TMPO: variants seen among roughly 807,000 people sequenced by gnomAD.
TMPO encodes the protein LEM domain containing 4.
TMPO carries 22 observed loss-of-function variants against 45.4 expected under a neutral mutation model. That is an observed-to-expected ratio of 0.48 (90% CI 0.35 to 0.69). The LOEUF is 0.69. Ranked by LOEUF, TMPO falls within the 30% of genes least tolerant of loss-of-function variation. The probability of loss-of-function intolerance (pLI) is 0.01; values close to 1 mark genes in which losing one functional copy is unlikely to be tolerated. For missense variants in TMPO, 512 were observed against 548.8 expected, an observed-to-expected ratio of 0.93 and a Z score of 0.67; for synonymous variants, 241 against 204.1, an observed-to-expected ratio of 1.18 and a Z score of -1.54.
chr12:98,540,833 C>A (rs187285800), intron 4 of TMPO, among the ~76,000 whole-genome samples: 1 of 152,162 alleles, frequency 6.6e-6, no homozygotes, highest in African/African-American at 2.4e-5. Context: ...CTTCCTGTTA[C>A]ATCGTTTTAG....
At chr12:98,521,918 C>CTG (rs1876399690) in intron 1 of TMPO, among the ~76,000 whole-genome samples, 4 of 152,002 alleles carry the variant, frequency 2.6e-5, no homozygotes, top group African/African-American at 9.7e-5. Flanking sequence ...TTAGTAGAGA[C>CTG]AGTTTCACCA....
intron 2 of TMPO, among the ~76,000 whole-genome samples, chr12:98,530,680 A>T (rs1373973099): frequency 6.6e-6 from 1 of 152,232 alleles, no homozygotes; most frequent in Non-Finnish European, 1.5e-5. Context: ...AATCTGATTT[A>T]TAGAACTTTT....
intron 3 of TMPO, among the ~76,000 whole-genome samples, chr12:98,536,290 T>C (rs1397562406): frequency 2.6e-5 from 4 of 152,184 alleles, no homozygotes; most frequent in African/African-American, 9.7e-5. Context: ...AAATTTTTGG[T>C]AGTAGAAGTT....
At chr12:98,533,434 T>C in intron 3 of TMPO, 2 of 1,614,174 alleles carry the variant, frequency 1.2e-6, no homozygotes, top group Non-Finnish European at 1.7e-6. Flanking sequence ...GGTAGGTAGT[T>C]TGCCTGGAAC....
At chr12:98,534,385 C>T (rs1785208387) in intron 3 of TMPO, 2 of 1,604,310 alleles carry the variant, frequency 1.2e-6, no homozygotes, top group Non-Finnish European at 1.7e-6. Context: ...CTTTCAGGTA[C>T]TTTATGCCAA....
chr12:98,532,570 TG>T (rs1328453041), intron 3 of TMPO, among the ~76,000 whole-genome samples: 1 of 152,226 alleles, frequency 6.6e-6, no homozygotes, highest in Non-Finnish European at 1.5e-5. Flanking sequence ...GTGAAATAAA[TG>T]TCCTTTAAAA....
At position 98,537,478 on chromosome 12, in the gene TMPO, C is replaced by T. The variant is rs1565813766; in HGVS notation, c.569C>T (p.Ser190Phe). The change falls in exon 4 of 9, where the codon TCT (serine) becomes TTT (phenylalanine). Residue 190 changes from serine (S) to phenylalanine (F), a missense_variant. Around this residue, in one of 3 missense-constraint regions of TMPO, gnomAD observed 299 missense variants for 296.7 expected, o/e 1.01. Transcript: ENST00000556029. ...GTTTCTCCAATGTTATTTCCAGACT[C>T]TAAAATAGAGCTCAAGCTTGAGAAG... ...SDRYSDNEED[S>F]KIELKLEKRE... The T allele has an allele frequency of 4.3e-6, 7 of 1,611,822 alleles. No individual in the cohort carries two copies. In the South Asian group the frequency reaches 7.7e-5, roughly 18 times the overall value.
In TMPO at chr12:98,527,901, A is replaced by C; in HGVS notation, c.295A>C (p.Thr99Pro). The C allele has an allele frequency of 3.7e-6, 6 of 1,613,908 alleles. No individual in the cohort carries two copies. Among genetic ancestry groups the C allele is most frequent in the Non-Finnish European group, 5.1e-6 (6 of 1,179,908 alleles). ...TTGTTTACAGAAAGCCACAAAAAAA[A>C]CTGATAAACCCAGACAAGAAGATAA... ...AAVGRKATKK[T>P]DKPRQEDKDD... is the part of the protein sequence containing the mutation. The change falls in exon 2 of 9, where the codon ACT becomes CCT. Residue 99 changes from threonine to proline, a missense_variant. Physicochemically the swap from Thr to Pro is conservative, Grantham distance 38. Coordinates refer to ENST00000556029, the MANE Select transcript of TMPO (RefSeq NM_001032283.3).
At position 98,547,792 on chromosome 12, in the gene TMPO, T is replaced by C; in HGVS notation, c.1299T>C (p.Ala433=). 6.2e-7 allele frequency: 1 copy of C among 1,614,002 alleles called. No homozygotes were observed. The part of the protein sequence containing the change: ...VAVFLFLVYQ[A]METNQVNPFS... ...TTTTTTTGTTTTTGGTCTATCAAGC[T>C]ATGGAAACCAACCAAGTAAATCCCT... is the stretch of plus-strand genomic sequence containing the variant. Residue 433 remains alanine (A), a synonymous_variant, in exon 9 of 9, where the codon GCT becomes GCC. Coordinates refer to ENST00000556029, the MANE Select transcript of TMPO (RefSeq NM_001032283.3).
intron 3 of TMPO, chr12:98,534,408 T>C: frequency 6.3e-7 from 1 of 1,599,314 alleles, no homozygotes; most frequent in East Asian, 2.2e-5. Flanking sequence ...TTTTCTTTTC[T>C]GTTAAGGTTG....
intron 1 of TMPO, among the ~76,000 whole-genome samples, chr12:98,525,254 G>A (rs2121155973): frequency 6.6e-6 from 1 of 152,172 alleles, no homozygotes; most frequent in Admixed American, 6.5e-5. Flanking sequence ...TCAGTGCAAT[G>A]TATGTGAATT....
Position 98,531,800 on chromosome 12 carries a change from G to C in TMPO, c.527G>C (p.Gly176Ala), listed in dbSNP as rs762703950. Reference protein sequence around the residue: ...SSSAENTRQNGSNDSDRYSDN... With the variant: ...SSSAENTRQNASNDSDRYSDN... ...TCAGCAGAAAATACAAGGCAGAATG[G>C]AAGTAATGATTCTGACAGATACAGT... Residue 176 changes from glycine (G) to alanine (A), a missense_variant, in exon 3 of 9, where the codon GGA (glycine) becomes GCA (alanine). Around this residue, in one of 3 missense-constraint regions of TMPO, gnomAD observed 299 missense variants for 296.7 expected, o/e 1.01. Transcript: ENST00000556029. 3.1e-6 allele frequency: 5 copies of C among 1,613,738 alleles called. No individual in the cohort carries two copies. The highest frequency in any genetic ancestry group is 4.2e-6 in the Non-Finnish European group (5 of 1,179,860).
rs759050578 is a variant in TMPO, at chr12:98,533,717, C to G, written c.565+1879C>G. 9.3e-6 allele frequency: 15 copies of G among 1,614,144 alleles called. No individual in the cohort carries two copies. In the South Asian group the frequency reaches 1.5e-4, roughly 17 times the overall value. On this transcript the variant is annotated intron_variant, in intron 3 of 8. Coordinates refer to ENST00000556029, the MANE Select transcript of TMPO (RefSeq NM_001032283.3). ...CAATCACAGCATGATAAAATAGATG[C>G]CTCAGAACTATCTTTTCCCTTCCAT...
intron 1 of TMPO, among the ~76,000 whole-genome samples, chr12:98,518,020 A>G (rs1003987691): frequency 2.0e-5 from 3 of 152,092 alleles, no homozygotes; most frequent in African/African-American, 4.8e-5. Flanking sequence ...AAATACAAAA[A>G]TTAGCCGTGC....
intron 1 of TMPO, among the ~76,000 whole-genome samples, chr12:98,522,335 GA>G (rs1876435352): frequency 6.6e-6 from 1 of 152,102 alleles, no homozygotes; most frequent in African/African-American, 2.4e-5. Flanking sequence ...TTCTCAATAG[GA>G]AATATTTGAA....
At chr12:98,544,785 G>A in intron 6 of TMPO, 166 bp from the exon 7 acceptor site, 2 of 667,448 alleles carry the variant, frequency 3.0e-6, no homozygotes. Flanking sequence ...TTTGAAGAAT[G>A]AGGCTTCATA....
intron 3 of TMPO, among the ~76,000 whole-genome samples, chr12:98,537,265 G>A (rs922199340): frequency 2.6e-5 from 4 of 152,196 alleles, no homozygotes; most frequent in Non-Finnish European, 4.4e-5. Context: ...AGATGAAAGG[G>A]TAAGGGAGAT....
chr12:98,545,971 G>C (rs1013822616), intron 7 of TMPO, among the ~76,000 whole-genome samples: 50 of 152,288 alleles, frequency 3.3e-4, no homozygotes, highest in African/African-American at 1.2e-3. Context: ...GACCTCAGGT[G>C]ATCCACCCGC....
intron 4 of TMPO, among the ~76,000 whole-genome samples, chr12:98,539,375 AAG>A (rs1277899799): frequency 2.0e-5 from 3 of 151,824 alleles, no homozygotes; most frequent in Non-Finnish European, 2.9e-5. Context: ...GAGTGGAGGG[AAG>A]AGTTTAATGA....
Sources: allele counts gnomAD v4.1 joint callset (sites outside exome capture counted in the v4.1 genomes callset), GRCh38; gene constraint gnomAD v4.1.1; regional missense constraint gnomAD v4.1.1; transcripts MANE v1.5; gene names NCBI Gene and HGNC (gene_info 2026-07-23, HGNC 2026-07-21).